ADAMTS19: variants seen among roughly 807,000 people sequenced by gnomAD.
ADAMTS19 encodes ADAM metallopeptidase with thrombospondin type 1 motif 19.
Under a neutral mutation model 153.3 loss-of-function variants are expected in ADAMTS19, and 93 were observed. The ratio of observed to expected loss-of-function variants is 0.61; its 90% CI spans 0.51 to 0.72. ADAMTS19 has a LOEUF of 0.72. Among genes scored for constraint, ADAMTS19 ranks in the 30% least tolerant of loss-of-function variants. The pLI is 0.00. For missense variants in ADAMTS19, 1,482 were observed against 1,552.1 expected (o/e 0.95, Z 0.76); for synonymous variants, 600 against 556.6 (o/e 1.08, Z -1.10).
chr5:129,698,217 C>A (rs1232110907), intron 19 of ADAMTS19, among the ~76,000 whole-genome samples: 2 of 152,136 alleles, frequency 1.3e-5, no homozygotes, highest in Admixed American at 6.5e-5. Flanking sequence ...TATTTTGAAC[C>A]ACCAAGCTGT....
At chr5:129,551,503 A>G (rs941926587) in intron 6 of ADAMTS19, among the ~76,000 whole-genome samples, 2 of 151,652 alleles carry the variant, frequency 1.3e-5, no homozygotes, top group African/African-American at 4.8e-5. Context: ...TTTGTGTTAC[A>G]TAAAGTAGGT....
intron 7 of ADAMTS19, among the ~76,000 whole-genome samples, chr5:129,586,339 C>A (rs542235887): frequency 6.6e-6 from 1 of 152,132 alleles, no homozygotes; most frequent in Non-Finnish European, 1.5e-5. Context: ...TTCCTTCTTC[C>A]GCTCTTAATC....
At chr5:129,674,728 A>G (rs964021844) in intron 16 of ADAMTS19, among the ~76,000 whole-genome samples, 12 of 152,116 alleles carry the variant, frequency 7.9e-5, no homozygotes, top group Admixed American at 6.5e-4. Flanking sequence ...CACATTTCCT[A>G]TTATCAGTTT....
At chr5:129,474,556 C>T (rs1003433951) in intron 2 of ADAMTS19, among the ~76,000 whole-genome samples, 1 of 152,042 alleles carries the variant, frequency 6.6e-6, no homozygotes, top group Non-Finnish European at 1.5e-5. Context: ...ACATCCTCAA[C>T]AATACTTGTT....
At chr5:129,498,137 G>C (rs938996184) in intron 2 of ADAMTS19, among the ~76,000 whole-genome samples, 1 of 152,002 alleles carries the variant, frequency 6.6e-6, no homozygotes, top group Non-Finnish European at 1.5e-5. Flanking sequence ...TTTTAACTGA[G>C]TTTGGCTTGT....
intron 7 of ADAMTS19, among the ~76,000 whole-genome samples, chr5:129,566,753 C>A (rs1464199683): frequency 6.6e-6 from 1 of 152,104 alleles, no homozygotes; most frequent in East Asian, 1.9e-4. Context: ...CCATCTTCTA[C>A]AATCCCATGA....
At chr5:129,728,557 G>C (rs912902078) in intron 21 of ADAMTS19, among the ~76,000 whole-genome samples, 1 of 151,904 alleles carries the variant, frequency 6.6e-6, no homozygotes, top group Non-Finnish European at 1.5e-5. Flanking sequence ...CCTCTCTTGG[G>C]GTCTGGATCA....
At chr5:129,543,223 G>C (rs913092912) in intron 6 of ADAMTS19, among the ~76,000 whole-genome samples, 1 of 151,488 alleles carries the variant, frequency 6.6e-6, no homozygotes, top group African/African-American at 2.4e-5. Flanking sequence ...CTAATTTTTT[G>C]TATTTTTTTT....
Position 129,737,934 on chromosome 5 carries a change from A to G in ADAMTS19, c.*716A>G, listed in dbSNP as rs1757739971. ...TTGCACTGTTGATATAGTGTAGAGA[A>G]ATCGTTAGAAATGGTGACATCTTAC... On this transcript the variant is annotated 3_prime_UTR_variant, in exon 23 of 23. Coordinates refer to ENST00000274487, the MANE Select transcript of ADAMTS19 (RefSeq NM_133638.6). 6.6e-6 allele frequency: 1 copy of G among 152,504 alleles called. No individual in the cohort carries two copies. Among genetic ancestry groups the G allele is most frequent in the African/African-American group, 2.4e-5 (1 of 41,436 alleles). 9.4% of individuals were successfully genotyped at this position (152,504 alleles called of 1,614,324 possible). A position where few individuals can be genotyped will look rare whatever the true frequency, so the allele number is the denominator to read the frequency against.
chr5:129,659,501 C>A (rs889167462), intron 15 of ADAMTS19, among the ~76,000 whole-genome samples: 6 of 152,128 alleles, frequency 3.9e-5, no homozygotes, highest in African/African-American at 1.4e-4. Context: ...TAGTCTGTTA[C>A]CTGGGCATGT....
intron 2 of ADAMTS19, among the ~76,000 whole-genome samples, chr5:129,483,742 A>G (rs1750497256): frequency 6.6e-6 from 1 of 152,220 alleles, no homozygotes; most frequent in Admixed American, 6.5e-5. Context: ...GGTTGTGGCC[A>G]TGAAGAAAGG....
rs576667690 is a variant in ADAMTS19 at position 129,701,682 on chromosome 5, A to G, written c.3159+90A>G. On this transcript the variant is annotated intron_variant, in intron 20 of 22. Transcript: ENST00000274487. ...TGGATCATGTTCAGAATCTGCATTG[A>G]AGTTGATATTTTTCTATACTATTTA... 2.9e-6 allele frequency: 4 copies of G among 1,378,940 alleles called. No homozygotes were observed. In the South Asian group the frequency reaches 6.0e-5, roughly 21 times the overall value. 85.4% of individuals were successfully genotyped at this position (1,378,940 alleles called of 1,614,324 possible).
chr5:129,509,374 T>A, intron 3 of ADAMTS19, 132 bp downstream of exon 3: 2 of 833,344 alleles, frequency 2.4e-6, no homozygotes, highest in Non-Finnish European at 3.6e-6. Context: ...AACAATTAAA[T>A]GTATCAATTA....
chr5:129,507,869 G>T (rs1751316773), intron 2 of ADAMTS19, among the ~76,000 whole-genome samples: 1 of 151,940 alleles, frequency 6.6e-6, no homozygotes, highest in African/African-American at 2.4e-5. Context: ...AATAAAATGA[G>T]ATTGATTAGG....
At chr5:129,511,241 T>C (rs1751430640) in intron 3 of ADAMTS19, among the ~76,000 whole-genome samples, 1 of 151,896 alleles carries the variant, frequency 6.6e-6, no homozygotes, top group Non-Finnish European at 1.5e-5. Flanking sequence ...TTCAAGGTTT[T>C]AGGTAGATTA....
intron 2 of ADAMTS19, among the ~76,000 whole-genome samples, chr5:129,462,606 T>G (rs1749715241): frequency 6.7e-6 from 1 of 149,206 alleles, no homozygotes; most frequent in African/African-American, 2.5e-5. Context: ...CCTTTGTGTG[T>G]GTGTGTGTGT....
At chr5:129,590,355 G>T (rs1032026659) in intron 7 of ADAMTS19, among the ~76,000 whole-genome samples, 6 of 151,976 alleles carry the variant, frequency 3.9e-5, no homozygotes, top group African/African-American at 1.4e-4. Flanking sequence ...CCTATGATTT[G>T]TGATTTCTAC....
intron 14 of ADAMTS19, among the ~76,000 whole-genome samples, chr5:129,658,150 G>T (rs1012201664): frequency 6.6e-6 from 1 of 151,944 alleles, no homozygotes; most frequent in African/African-American, 2.4e-5. Context: ...ACCCAGCATG[G>T]TGACGCATGC....
intron 8 of ADAMTS19, among the ~76,000 whole-genome samples, chr5:129,609,538 A>T (rs1323158083): frequency 6.6e-6 from 1 of 152,146 alleles, no homozygotes; most frequent in African/African-American, 2.4e-5. Flanking sequence ...TTTTAACCAG[A>T]TTGACAGGAA....
Sources: gnomAD v4.1 joint callset for allele counts (sites outside exome capture counted in the v4.1 genomes callset) on GRCh38, gnomAD v4.1.1 for gene constraint, MANE v1.5 for transcripts, NCBI Gene and HGNC (gene_info 2026-07-23, HGNC 2026-07-21) for gene names.